Variants in CNNM3 observed in about 807,000 individuals in gnomAD.
CNNM3 encodes cyclin and CBS domain divalent metal cation transport mediator 3.
Under a neutral mutation model 57.1 loss-of-function variants are expected in CNNM3, and 47 were observed. The observed-to-expected ratio is 0.82, with a 90% CI of 0.65 to 1.05. The LOEUF (loss-of-function observed/expected upper bound fraction) is 1.05, where lower values mean the gene tolerates loss of function less well. Ranked by LOEUF, CNNM3 falls within the 50% of genes least tolerant of loss-of-function variation. The pLI is 0.00. For missense variants in CNNM3, 957 were observed against 973.7 expected (o/e 0.98, Z 0.23); for synonymous variants, 507 against 478.2 (o/e 1.06, Z -0.79).
At chr2:96,831,940 C>T (rs768057345) in intron 7 of CNNM3, 78 of 977,968 alleles carry the variant, frequency 8.0e-5, no homozygotes, top group Non-Finnish European at 9.0e-5. Context: ...AATAGCTTCT[C>T]CTCTTCTTTC....
At position 96,817,094 on chromosome 2, in the gene CNNM3, G is replaced by T; in HGVS notation, c.817G>T (p.Val273Leu). ...GCTCACTCTGCCCGTCGCGCTGCCCGTGGGGCAGCTGCTGGAGCTGGCGGC... is the reference window on the plus strand; with the variant it reads ...GCTCACTCTGCCCGTCGCGCTGCCCTTGGGGCAGCTGCTGGAGCTGGCGGC... ...VLLTLPVALPVGQLLELAARP... is the reference protein window; with the variant it reads ...VLLTLPVALPLGQLLELAARP... Residue 273 changes from valine to leucine, a missense_variant, in exon 1 of 8, where the codon GTG becomes TTG. By Grantham distance (32) the Val-to-Leu change is conservative. Coordinates refer to ENST00000305510, the MANE Select transcript of CNNM3 (RefSeq NM_017623.5). 3 of 1,341,738 alleles carry T rather than the reference G, an allele frequency of 2.2e-6. No homozygotes were observed. The highest frequency in any genetic ancestry group is 9.5e-7 in the Non-Finnish European group (1 of 1,055,738). 83.1% of individuals were successfully genotyped at this position (1,341,738 alleles called of 1,614,324 possible).
Position 96,824,289 on chromosome 2 carries a change from G to A in CNNM3, c.1226-769G>A, listed in dbSNP as rs373124398. Among the ~76,000 whole-genome samples, 12 of 152,282 alleles carry A rather than the reference G, an allele frequency of 7.9e-5. No individual in the cohort carries two copies. In the East Asian group the frequency reaches 1.5e-3, roughly 20 times the overall value. On this transcript the variant is annotated intron_variant, in intron 1 of 7. Transcript: ENST00000305510. ...GAAGCTAACCTGAGAAAGACATATA[G>A]GGTAAGGTGGAAAATCTCAGCCTGG...
chr2:96,830,728 C>A (rs528208718), intron 7 of CNNM3, among the ~76,000 whole-genome samples: 1 of 152,234 alleles, frequency 6.6e-6, no homozygotes, highest in East Asian at 1.9e-4. Context: ...AAGGTCTTGC[C>A]ATGGTGCCCA....
Position 96,825,072 on chromosome 2 carries a change from G to A in CNNM3, c.1240G>A (p.Ala414Thr), listed in dbSNP as rs2079477308. 1 of 1,612,930 alleles carries A rather than the reference G, an allele frequency of 6.2e-7. No individual in the cohort carries two copies. Among genetic ancestry groups the A allele is most frequent in the Non-Finnish European group, 8.5e-7 (1 of 1,179,984 alleles). ...TCCCCCCACAGGGAAGTCCCACCTGGCCATCGTGCAGAAGGTGAACAACGA... is the reference window on the plus strand; with the variant it reads ...TCCCCCCACAGGGAAGTCCCACCTGACCATCGTGCAGAAGGTGAACAACGA... ...EEFKRGKSHLAIVQKVNNEGE... is the reference protein window; with the variant it reads ...EEFKRGKSHLTIVQKVNNEGE... The change falls in exon 2 of 8, where the codon GCC (alanine) becomes ACC (threonine). Residue 414 changes from alanine (A) to threonine (T), a missense_variant. Coordinates refer to ENST00000305510, the MANE Select transcript of CNNM3 (RefSeq NM_017623.5).
chr2:96,825,256 G>A lies in CNNM3; in HGVS notation c.1369+55G>A, dbSNP rs986243984. ...CCGCTGGGCCTGCACACTTCCCCAGGCGTATGTTGCGTCAGAGGCCAGTGG... is the reference window on the plus strand; with the variant it reads ...CCGCTGGGCCTGCACACTTCCCCAGACGTATGTTGCGTCAGAGGCCAGTGG... On this transcript the variant is annotated intron_variant, in intron 2 of 7. Transcript: ENST00000305510. 7.5e-6 allele frequency: 12 copies of A among 1,590,882 alleles called. No individual in the cohort carries two copies. The African/African-American group carries it at 1.6e-4, about 21-fold the overall frequency.
intron 1 of CNNM3, among the ~76,000 whole-genome samples, chr2:96,819,420 G>A (rs756619582): frequency 5.9e-5 from 9 of 152,164 alleles, no homozygotes; most frequent in African/African-American, 9.7e-5. Context: ...ACAGACCTGC[G>A]GGGGGAGACT....
At position 96,832,921 on chromosome 2, in the gene CNNM3, G is replaced by C. The variant is rs768776662; in HGVS notation, c.*305G>C. On this transcript the variant is annotated 3_prime_UTR_variant, in exon 8 of 8. Coordinates refer to ENST00000305510, the MANE Select transcript of CNNM3 (RefSeq NM_017623.5). ...GGGCCCAGCCTTCCCCTTCTCCCCC[G>C]GGGCAGGGACAGTGCGGCATATTCA... 121 of 1,431,970 alleles carry C rather than the reference G, an allele frequency of 8.4e-5. No individual in the cohort carries two copies. The highest frequency in any genetic ancestry group is 1.0e-4 in the Non-Finnish European group (113 of 1,080,934). 88.7% of individuals were successfully genotyped at this position (1,431,970 alleles called of 1,614,324 possible). A position where few individuals can be genotyped will look rare whatever the true frequency, so the allele number is the denominator to read the frequency against.
chr2:96,826,624 C>A (rs2079509867), intron 2 of CNNM3, among the ~76,000 whole-genome samples: 2 of 152,228 alleles, frequency 1.3e-5, no homozygotes, highest in Admixed American at 6.5e-5. Context: ...AGCTCCAAGG[C>A]AGATAGTCAC....
intron 1 of CNNM3, among the ~76,000 whole-genome samples, chr2:96,820,188 C>T (rs2079386075): frequency 6.6e-6 from 1 of 152,152 alleles, no homozygotes; most frequent in East Asian, 1.9e-4. Flanking sequence ...AGGTTCATGG[C>T]AGGCCTGGAG....
At chr2:96,819,452 C>T (rs1371900583) in intron 1 of CNNM3, among the ~76,000 whole-genome samples, 1 of 152,204 alleles carries the variant, frequency 6.6e-6, no homozygotes, top group Non-Finnish European at 1.5e-5. Context: ...TTGGCCAGTG[C>T]CTGGCGTGCA....
chr2:96,817,521 T>G lies in CNNM3; in HGVS notation c.1225+19T>G. The G allele has an allele frequency of 6.3e-7, 1 of 1,595,912 alleles. No homozygotes were observed. ...AAGCGAGGTAACGGCCCGGGCATGGTGCAGGGGACGCCCGTGCGAGTGCCC... is the reference window on the plus strand; with the variant it reads ...AAGCGAGGTAACGGCCCGGGCATGGGGCAGGGGACGCCCGTGCGAGTGCCC... On this transcript the variant is annotated intron_variant, in intron 1 of 7. Transcript: ENST00000305510.
intron 1 of CNNM3, among the ~76,000 whole-genome samples, chr2:96,824,273 C>T (rs930486833): frequency 2.0e-5 from 3 of 152,172 alleles, no homozygotes; most frequent in Admixed American, 6.5e-5. Flanking sequence ...GGAAGCTAAC[C>T]TGAGAAAGAC....
At chr2:96,835,791 A>G (rs557113211), downstream of CNNM3, among the ~76,000 whole-genome samples, 1 of 152,254 alleles carries the variant, frequency 6.6e-6, no homozygotes, top group Admixed American at 6.5e-5. Context: ...TCATGTCCTC[A>G]CCGGCAACCT....
In CNNM3 at chr2:96,816,287, GC is replaced by G; in HGVS notation, c.11del (p.Ala4GlyfsTer2). On this transcript the variant is annotated frameshift_variant, in exon 1 of 8. Coordinates refer to ENST00000305510, the MANE Select transcript of CNNM3 (RefSeq NM_017623.5). LOFTEE classifies it high-confidence loss of function. MAA[A>X]VAAAGRLGWL... ...GAGGGGGCAGCAGGCGATGGCGGCG[GC>G]GGTAGCTGCGGCGGGTCGGTTAGGC... 7.7e-7 allele frequency: 1 copy of G among 1,303,796 alleles called. No individual in the cohort carries two copies. The highest frequency in any genetic ancestry group is 2.5e-5 in the South Asian group (1 of 39,952). The allele number at this position is 1,303,796 out of a possible 1,614,324, so 80.8% of individuals were successfully genotyped here. A position where few individuals can be genotyped will look rare whatever the true frequency, so the allele number is the denominator to read the frequency against.
In CNNM3 at chr2:96,829,308, T is replaced by A; in HGVS notation, c.2059+174T>A. ...CTATATATAAATAATTTTTTTTTTT[T>A]TTGAGATGGAGTCTTACTCTGTTGC... On this transcript the variant is annotated intron_variant, in intron 7 of 7. Coordinates refer to ENST00000305510, the MANE Select transcript of CNNM3 (RefSeq NM_017623.5). 3.8e-6 allele frequency: 3 copies of A among 793,256 alleles called. No homozygotes were observed. The South Asian group carries it at 1.7e-4, about 45-fold the overall frequency. 49.1% of individuals were successfully genotyped at this position (793,256 alleles called of 1,614,324 possible).
chr2:96,817,610 G>C, intron 1 of CNNM3, 108 bp downstream of exon 1: 1 of 1,080,984 alleles, frequency 9.3e-7, no homozygotes, highest in African/African-American at 1.6e-5. Context: ...CCTGTGGAGA[G>C]CAGTGAGACC....
Position 96,817,190 on chromosome 2 carries a change from AGCAAGG to A in CNNM3, c.916_921del (p.Lys306_Gly307del), listed in dbSNP as rs748934807. Reference sequence around the variant, plus strand: ...CGGCGGCGACCCCTACAGCGATCTCAGCAAGGGCGTGCTGCGCTGCCGGACCGTGGA... The same window carrying A: ...CGGCGGCGACCCCTACAGCGATCTCAGCGTGCTGCGCTGCCGGACCGTGGA... On this transcript the variant is annotated inframe_deletion, in exon 1 of 8. Transcript: ENST00000305510. The A allele has an allele frequency of 1.9e-6, 3 of 1,580,872 alleles. No individual in the cohort carries two copies. The African/African-American group carries it at 4.0e-5, about 21-fold the overall frequency.
At position 96,816,344 on chromosome 2, in the gene CNNM3, G is replaced by A; in HGVS notation, c.67G>A (p.Ala23Thr). Reference protein sequence around the residue: ...WLFAALCLGNAAGEAAPGPRV... With the variant: ...WLFAALCLGNTAGEAAPGPRV... Reference sequence around the variant, plus strand: ...GTTCGCCGCGCTCTGCCTGGGCAACGCCGCGGGGGAGGCCGCGCCGGGCCC... The same window carrying A: ...GTTCGCCGCGCTCTGCCTGGGCAACACCGCGGGGGAGGCCGCGCCGGGCCC... Residue 23 changes from alanine to threonine, a missense_variant, in exon 1 of 8, where the codon GCC becomes ACC. Transcript: ENST00000305510. 7.8e-7 allele frequency: 1 copy of A among 1,290,130 alleles called. No homozygotes were observed. Among genetic ancestry groups the A allele is most frequent in the South Asian group, 2.4e-5 (1 of 41,062 alleles). 79.9% of individuals were successfully genotyped at this position (1,290,130 alleles called of 1,614,324 possible).
At chr2:96,835,716 C>T (rs2079682074), downstream of CNNM3, among the ~76,000 whole-genome samples, 1 of 152,214 alleles carries the variant, frequency 6.6e-6, no homozygotes, top group African/African-American at 2.4e-5. Flanking sequence ...ATCTGCCCGC[C>T]TCAGCCTCCC....
Sources: gnomAD v4.1 joint callset for allele counts (sites outside exome capture counted in the v4.1 genomes callset) on GRCh38, gnomAD v4.1.1 for gene constraint, MANE v1.5 for transcripts, NCBI Gene and HGNC (gene_info 2026-07-23, HGNC 2026-07-21) for gene names.